The following SV2C variants were observed in gnomAD, a reference collection of about 807,000 sequenced individuals.
The protein encoded by SV2C is solute carrier family 22 member B3.
Under a neutral mutation model 79.7 loss-of-function variants are expected in SV2C, and 49 were observed. The ratio of observed to expected loss-of-function variants is 0.61; its 90% CI spans 0.49 to 0.78. The LOEUF (loss-of-function observed/expected upper bound fraction) is 0.78. Among genes scored for constraint, SV2C ranks in the 30% least tolerant of loss-of-function variants. The pLI, the probability that SV2C is intolerant of heterozygous loss-of-function variation, is 0.00. For missense variants in SV2C, 833 were observed against 912.9 expected, an observed-to-expected ratio of 0.91 and a Z score of 1.13; for synonymous variants, 334 against 333.2, an observed-to-expected ratio of 1.00 and a Z score of -0.03.
chr5:75,849,221 A>G, the SV2C span, among the ~76,000 whole-genome samples: 14 of 152,360 alleles, frequency 9.2e-5, no homozygotes, highest in African/African-American at 3.4e-4. Flanking sequence ...GTATTAAAGC[A>G]GGTTCTGCAT....
chr5:75,989,192 G>A, the SV2C span, among the ~76,000 whole-genome samples: 95 of 151,722 alleles, frequency 6.3e-4, no homozygotes, highest in African/African-American at 2.3e-3. Context: ...AGAATGCGCA[G>A]GTCTGTTACA....
At chr5:75,888,342 A>G in the SV2C span, among the ~76,000 whole-genome samples, 1 of 148,054 alleles carries the variant, frequency 6.8e-6, no homozygotes, top group East Asian at 1.9e-4. Context: ...AAAAAAAAAA[A>G]AATTTTTTTT....
the SV2C span, chr5:75,920,953 C>G: frequency 1.2e-5 from 9 of 721,746 alleles, no homozygotes; most frequent in African/African-American, 1.6e-4. Flanking sequence ...TGATGATGGC[C>G]CGGCCCCTGA....
intron 3 of SV2C, among the ~76,000 whole-genome samples, chr5:76,203,582 T>C (rs931005318): frequency 2.0e-5 from 3 of 152,156 alleles, no homozygotes; most frequent in African/African-American, 7.2e-5. Context: ...GTACTAAGTC[T>C]GCTACTGTGG....
At chr5:75,871,131 A>G in the SV2C span, among the ~76,000 whole-genome samples, 1 of 152,234 alleles carries the variant, frequency 6.6e-6, no homozygotes, top group African/African-American at 2.4e-5. Context: ...TAGATGCCAA[A>G]GGGAAAAAAG....
At chr5:76,088,052 G>C (rs1168598611) in intron 1 of SV2C, among the ~76,000 whole-genome samples, 1 of 152,180 alleles carries the variant, frequency 6.6e-6, no homozygotes, top group African/African-American at 2.4e-5. Flanking sequence ...CACTTCTGCA[G>C]CCTCATTTTA....
chr5:75,964,600 G>C, the SV2C span, among the ~76,000 whole-genome samples: 1 of 152,092 alleles, frequency 6.6e-6, no homozygotes, highest in African/African-American at 2.4e-5. Context: ...TCCAAGACTG[G>C]AGGATCTCTG....
the SV2C span, among the ~76,000 whole-genome samples, chr5:76,013,923 A>T: frequency 6.6e-6 from 1 of 152,130 alleles, no homozygotes; most frequent in Non-Finnish European, 1.5e-5. Flanking sequence ...TTCCTGGAAA[A>T]TTTAATAAAT....
At chr5:75,993,588 C>T in the SV2C span, among the ~76,000 whole-genome samples, 131 of 152,124 alleles carry the variant, frequency 8.6e-4, no homozygotes, top group Non-Finnish European at 8.5e-4. Context: ...TAAGAAGGCA[C>T]GTCCCCAAAA....
chr5:76,263,722 A>G (rs1746555551), intron 4 of SV2C, among the ~76,000 whole-genome samples: 1 of 152,148 alleles, frequency 6.6e-6, no homozygotes, highest in South Asian at 2.1e-4. Flanking sequence ...TTCACTTATG[A>G]AAGTTAGTTT....
At chr5:76,207,785 A>G (rs936280117) in intron 3 of SV2C, among the ~76,000 whole-genome samples, 26 of 152,322 alleles carry the variant, frequency 1.7e-4, no homozygotes, top group Admixed American at 1.2e-3. Context: ...GTGGAGTCTC[A>G]TGGCACAGAA....
the SV2C span, among the ~76,000 whole-genome samples, chr5:75,967,478 C>A: frequency 5.3e-5 from 8 of 152,320 alleles, no homozygotes; most frequent in East Asian, 1.5e-3. Flanking sequence ...CACCCTAATA[C>A]TGCACTTTTC....
chr5:76,046,504 G>A, the SV2C span, among the ~76,000 whole-genome samples: 3 of 152,214 alleles, frequency 2.0e-5, no homozygotes, highest in Admixed American at 6.5e-5. Context: ...TTTTTAGCTC[G>A]TATCCACACG....
At chr5:76,263,989 G>A (rs1384087861) in intron 4 of SV2C, among the ~76,000 whole-genome samples, 1 of 152,066 alleles carries the variant, frequency 6.6e-6, no homozygotes, top group East Asian at 1.9e-4. Flanking sequence ...GTCTTGCCAG[G>A]TTGGGGAAGT....
At chr5:75,854,006 A>AAAAAAC in the SV2C span, among the ~76,000 whole-genome samples, 1 of 151,928 alleles carries the variant, frequency 6.6e-6, no homozygotes, top group African/African-American at 2.4e-5. Flanking sequence ...AAAAAAAAAA[A>AAAAAAC]AAAAACCTCC....
chr5:76,003,041 TAGTG>T, the SV2C span, among the ~76,000 whole-genome samples: 2 of 152,070 alleles, frequency 1.3e-5, no homozygotes, highest in African/African-American at 2.4e-5. Context: ...GTTCTCGTGA[TAGTG>T]AGTGAGTTCG....
At chr5:76,034,690 A>G in the SV2C span, among the ~76,000 whole-genome samples, 20 of 152,236 alleles carry the variant, frequency 1.3e-4, no homozygotes, top group African/African-American at 4.1e-4. Flanking sequence ...TGTTCATCAA[A>G]GATATTGGTC....
the SV2C span, among the ~76,000 whole-genome samples, chr5:75,874,295 GAC>G: frequency 6.6e-6 from 1 of 151,746 alleles, no homozygotes; most frequent in African/African-American, 2.4e-5. Flanking sequence ...AAGAACTAAA[GAC>G]AAAAAAAACA....
chr5:76,218,338 A>G (rs1408708299), intron 4 of SV2C, among the ~76,000 whole-genome samples: 1 of 152,256 alleles, frequency 6.6e-6, no homozygotes, highest in Admixed American at 6.5e-5. Context: ...TATAATAGCA[A>G]AGACTTGGAA....
Sources: allele counts gnomAD v4.1 joint callset (sites outside exome capture counted in the v4.1 genomes callset), GRCh38; gene constraint gnomAD v4.1.1; transcripts MANE v1.5; gene names NCBI Gene and HGNC (gene_info 2026-07-23, HGNC 2026-07-21).